The following MRPL42 variants were observed in gnomAD, a reference collection of about 807,000 sequenced individuals.
The protein encoded by MRPL42 is large ribosomal subunit protein mL42.
A neutral mutation model predicts 17.9 loss-of-function variants in MRPL42; 17 were observed. The observed-to-expected ratio is 0.95, with a 90% CI of 0.65 to 1.42. The LOEUF (loss-of-function observed/expected upper bound fraction) is 1.42, where lower values mean the gene tolerates loss of function less well. MRPL42 is among the 40% of genes most tolerant of loss of function. The pLI, the probability that MRPL42 is intolerant of heterozygous loss-of-function variation, is 0.00. For missense variants in MRPL42, 177 were observed against 175.2 expected, an observed-to-expected ratio of 1.01 and a Z score of -0.06; for synonymous variants, 59 against 54.4, an observed-to-expected ratio of 1.08 and a Z score of -0.37.
In MRPL42 at chr12:93,476,986, A is replaced by G. The variant is rs1351517005; in HGVS notation, c.103A>G (p.Thr35Ala). The G allele has an allele frequency of 6.2e-7, 1 of 1,608,976 alleles. No individual in the cohort carries two copies. The highest frequency in any genetic ancestry group is 8.5e-7 in the Non-Finnish European group (1 of 1,176,706). ...GALYCVCHKS[T>A]YSPLPDDYNC... ...TTTATATTGTGTTTGTCATAAATCT[A>G]CGTATTCTCCTCTACCAGATGACTA... Residue 35 changes from threonine to alanine, a missense_variant, in exon 3 of 6, where the codon ACG becomes GCG. Coordinates refer to ENST00000549982, the MANE Select transcript of MRPL42 (RefSeq NM_014050.4).
At chr12:93,473,191 A>G (rs1379206564) in intron 2 of MRPL42, among the ~76,000 whole-genome samples, 2 of 152,196 alleles carry the variant, frequency 1.3e-5, no homozygotes, top group African/African-American at 4.8e-5. Flanking sequence ...GGTCCTAATT[A>G]TATATTTAGA....
At chr12:93,474,224 A>G (rs1880051974) in intron 2 of MRPL42, among the ~76,000 whole-genome samples, 1 of 152,126 alleles carries the variant, frequency 6.6e-6, no homozygotes, top group Non-Finnish European at 1.5e-5. Context: ...TTCAGTGAAA[A>G]TGTATATCAT....
chr12:93,481,517 A>G (rs1880460824), intron 4 of MRPL42, among the ~76,000 whole-genome samples: 1 of 152,064 alleles, frequency 6.6e-6, no homozygotes, highest in African/African-American at 2.4e-5. Flanking sequence ...CTGCCAGGTT[A>G]TTTCTCCTCC....
In MRPL42 at chr12:93,506,281, T is replaced by TG. The variant is rs1491056056; in HGVS notation, c.*5060_*5061insG. On this transcript the variant is annotated 3_prime_UTR_variant, in exon 6 of 6. Transcript: ENST00000549982. ...GTCTCTTTTTTTTTTTTTTTTTTTT[T>TG]TGGGACAGAGTCTTGCTCTTGTTGC... 2 of 113,440 alleles carry TG rather than the reference T, an allele frequency of 1.8e-5. No individual in the cohort carries two copies. Among genetic ancestry groups the TG allele is most frequent in the African/African-American group, 5.7e-5 (2 of 35,198 alleles). The allele number at this position is 113,440 out of a possible 1,614,324, so 7.0% of individuals were successfully genotyped here. A position where few individuals can be genotyped will look rare whatever the true frequency, so the allele number is the denominator to read the frequency against.
chr12:93,515,292 G>A lies in MRPL42; in HGVS notation c.*14071G>A, dbSNP rs1049200930. 4 of 152,062 alleles carry A rather than the reference G, an allele frequency of 2.6e-5. No individual in the cohort carries two copies. Among genetic ancestry groups the A allele is most frequent in the South Asian group, 2.1e-4 (1 of 4,818 alleles). 9.4% of individuals were successfully genotyped at this position (152,062 alleles called of 1,614,324 possible). A position where few individuals can be genotyped will look rare whatever the true frequency, so the allele number is the denominator to read the frequency against. ...TCAGCTGACAAATGATAATGGCCTG[G>A]ATTAAGGAAGGAGAAGAGGGGACCA... On this transcript the variant is annotated 3_prime_UTR_variant, in exon 6 of 6. Transcript: ENST00000549982.
Position 93,487,500 on chromosome 12 carries a change from ATCCCTCGGCC to A in MRPL42, c.224_233del (p.Ile75LysfsTer15). 1 of 1,608,536 alleles carries A rather than the reference ATCCCTCGGCC, an allele frequency of 6.2e-7. No individual in the cohort carries two copies. Among genetic ancestry groups the A allele is most frequent in the East Asian group, 2.2e-5 (1 of 44,858 alleles). ...TTTGTTACTGATTATTTTGTAGCCT[ATCCCTCGGCC>A]AGATCCTGTGCATAATAATGAAGAA... On this transcript the variant is annotated frameshift_variant, in exon 5 of 6. Transcript: ENST00000549982. LOFTEE classifies it high-confidence loss of function.
At position 93,470,810 on chromosome 12, in the gene MRPL42, T is replaced by C. The variant is rs561593400; in HGVS notation, c.70+1455T>C. ...ATGATTTTATTTGTTTTAATGTCTGTGTAATAATCCATGGTATGCATATAC... is the reference window on the plus strand; with the variant it reads ...ATGATTTTATTTGTTTTAATGTCTGCGTAATAATCCATGGTATGCATATAC... On this transcript the variant is annotated intron_variant, in intron 2 of 5. Transcript: ENST00000549982. 1.1e-4 allele frequency among the ~76,000 whole-genome samples: 17 copies of C among 152,386 alleles called. No homozygotes were observed. In the East Asian group the frequency reaches 3.3e-3, roughly 29 times the overall value.
Position 93,507,058 on chromosome 12 carries a change from T to C in MRPL42, c.*5837T>C, listed in dbSNP as rs1953678870. 1 of 152,240 alleles carries C rather than the reference T, an allele frequency of 6.6e-6. No individual in the cohort carries two copies. Among genetic ancestry groups the C allele is most frequent in the Non-Finnish European group, 1.5e-5 (1 of 68,044 alleles). The allele number at this position is 152,240 out of a possible 1,614,324, so 9.4% of individuals were successfully genotyped here. A position where few individuals can be genotyped will look rare whatever the true frequency, so the allele number is the denominator to read the frequency against. The stretch of plus-strand genomic sequence containing the variant: ...TTTTTTAAACATTAAGGACATCTTA[T>C]ATGTATATTTATGCATATACATACT... On this transcript the variant is annotated 3_prime_UTR_variant, in exon 6 of 6. Coordinates refer to ENST00000549982, the MANE Select transcript of MRPL42 (RefSeq NM_014050.4).
chr12:93,507,429 T>C lies in MRPL42; in HGVS notation c.*6208T>C, dbSNP rs1222983466. 6.6e-6 allele frequency: 1 copy of C among 152,240 alleles called. No individual in the cohort carries two copies. The highest frequency in any genetic ancestry group is 1.9e-4 in the East Asian group (1 of 5,202). The allele number at this position is 152,240 out of a possible 1,614,324, so 9.4% of individuals were successfully genotyped here. A position where few individuals can be genotyped will look rare whatever the true frequency, so the allele number is the denominator to read the frequency against. On this transcript the variant is annotated 3_prime_UTR_variant, in exon 6 of 6. Transcript: ENST00000549982. ...TATACCTTAGAAACTTTCAGTTTCT[T>C]TTAAGGATTTAATAACTTGCTTATA...
intron 5 of MRPL42, among the ~76,000 whole-genome samples, chr12:93,495,146 A>G (rs188008697): frequency 2.0e-5 from 3 of 152,290 alleles, no homozygotes; most frequent in Admixed American, 2.0e-4. Context: ...TTTTCACCCA[A>G]TAAACCCTGT....
intron 5 of MRPL42, among the ~76,000 whole-genome samples, chr12:93,497,043 G>C (rs1953519582): frequency 6.6e-6 from 1 of 152,096 alleles, no homozygotes; most frequent in Non-Finnish European, 1.5e-5. Flanking sequence ...ACCCTGAACA[G>C]ATGAATAATG....
chr12:93,503,396 TTAAAGA>T lies in MRPL42; in HGVS notation c.*2176_*2181del, dbSNP rs1953623484. The T allele has an allele frequency of 6.6e-6, 1 of 151,990 alleles. No homozygotes were observed. The highest frequency in any genetic ancestry group is 2.4e-5 in the African/African-American group (1 of 41,378). The allele number at this position is 151,990 out of a possible 1,614,324, so 9.4% of individuals were successfully genotyped here. On this transcript the variant is annotated 3_prime_UTR_variant, in exon 6 of 6. Coordinates refer to ENST00000549982, the MANE Select transcript of MRPL42 (RefSeq NM_014050.4). ...AGCAAAAACTGATTTTTTTTTTTTT[TTAAAGA>T]AAAGGTCTTGCTGTGTCGCCCAGGA...
chr12:93,501,073 T>A (rs1357065685), intron 5 of MRPL42, 103 bp from the exon 6 acceptor site: 60 of 865,660 alleles, frequency 6.9e-5, no homozygotes, highest in South Asian at 1.9e-5. Flanking sequence ...ATTGATTTTT[T>A]AAAAAAATAG....
chr12:93,488,292 C>CA, intron 5 of MRPL42: 3 of 398,352 alleles, frequency 7.5e-6, no homozygotes, highest in Non-Finnish European at 1.3e-5. Context: ...TTTGTAGAGG[C>CA]AAGGTCTCAC....
At position 93,510,882 on chromosome 12, in the gene MRPL42, TTAAAG is replaced by T. The variant is rs1390812675; in HGVS notation, c.*9662_*9666del. On this transcript the variant is annotated 3_prime_UTR_variant, in exon 6 of 6. Transcript: ENST00000549982. ...GGACCAGTGTTAAGATTAGATCTGT[TTAAAG>T]AGAAAGGAGAGAAAGTTTCAGGCAG... is the stretch of plus-strand genomic sequence containing the variant. 1.3e-5 allele frequency: 2 copies of T among 152,176 alleles called. No homozygotes were observed. The highest frequency in any genetic ancestry group is 6.5e-5 in the Admixed American group (1 of 15,276). The allele number at this position is 152,176 out of a possible 1,614,324, so 9.4% of individuals were successfully genotyped here. A position where few individuals can be genotyped will look rare whatever the true frequency, so the allele number is the denominator to read the frequency against.
At chr12:93,489,264 G>T (rs1953366686) in intron 5 of MRPL42, among the ~76,000 whole-genome samples, 1 of 152,206 alleles carries the variant, frequency 6.6e-6, no homozygotes, top group East Asian at 1.9e-4. Flanking sequence ...TTCACAGATA[G>T]AGGAAACAGC....
chr12:93,485,892 G>C (rs895074640), intron 4 of MRPL42, among the ~76,000 whole-genome samples: 2 of 151,978 alleles, frequency 1.3e-5, no homozygotes, highest in African/African-American at 4.8e-5. Context: ...CTGCAGCCTT[G>C]AACTCCTGGG....
At position 93,513,427 on chromosome 12, in the gene MRPL42, T is replaced by C. The variant is rs1444549029; in HGVS notation, c.*12206T>C. On this transcript the variant is annotated 3_prime_UTR_variant, in exon 6 of 6. Coordinates refer to ENST00000549982, the MANE Select transcript of MRPL42 (RefSeq NM_014050.4). ...GTATCAAACTCCTGGTCTCAAGTGA[T>C]CCTCCCATCTCGGCCCCCACAAGTG... The C allele has an allele frequency of 6.6e-6, 1 of 152,118 alleles. No individual in the cohort carries two copies. The highest frequency in any genetic ancestry group is 2.4e-5 in the African/African-American group (1 of 41,426). 9.4% of individuals were successfully genotyped at this position (152,118 alleles called of 1,614,324 possible). A position where few individuals can be genotyped will look rare whatever the true frequency, so the allele number is the denominator to read the frequency against.
At chr12:93,480,152 C>T (rs1230277889) in intron 4 of MRPL42, among the ~76,000 whole-genome samples, 1 of 151,980 alleles carries the variant, frequency 6.6e-6, no homozygotes, top group Non-Finnish European at 1.5e-5. Context: ...GACAGGGTCT[C>T]ACTCTGTCAC....
Sources: allele counts gnomAD v4.1 joint callset (sites outside exome capture counted in the v4.1 genomes callset), GRCh38; gene constraint gnomAD v4.1.1; transcripts MANE v1.5; gene names NCBI Gene and HGNC (gene_info 2026-07-23, HGNC 2026-07-21).